The following MAP3K14 variants were observed in gnomAD, a reference collection of about 807,000 sequenced individuals.
MAP3K14 encodes mitogen-activated protein kinase kinase kinase 14.
Under a neutral mutation model 99.2 loss-of-function variants are expected in MAP3K14, and 16 were observed. That is an observed-to-expected ratio of 0.16 (90% CI 0.11 to 0.24). MAP3K14 has a LOEUF of 0.24. Ranked by LOEUF, MAP3K14 falls within the 10% of genes least tolerant of loss-of-function variation. The pLI is 1.00. For missense variants in MAP3K14, 784 were observed against 1,208.7 expected (o/e 0.65, Z 5.21); for synonymous variants, 462 against 492.4 (o/e 0.94, Z 0.82).
chr17:45,270,799 C>A (rs985925120), intron 10 of MAP3K14: 3 of 747,954 alleles, frequency 4.0e-6, no homozygotes, highest in Non-Finnish European at 6.5e-6. Flanking sequence ...AGGCCCGGCC[C>A]GTTAGGAGGC....
At position 45,266,693 on chromosome 17, in the gene MAP3K14, G is replaced by A. The variant is rs757262472; in HGVS notation, c.2434-12C>T. ...GCCTTTGATGGGTTCTGAAACAACAGGATTGGGTACGGGCTCAGGGCCCTG... is the reference window on the plus strand; with the variant it reads ...GCCTTTGATGGGTTCTGAAACAACAAGATTGGGTACGGGCTCAGGGCCCTG... On this transcript the variant is annotated splice_polypyrimidine_tract_variant and intron_variant, in intron 13 of 15. Transcript: ENST00000344686. 2.5e-6 allele frequency: 4 copies of A among 1,603,898 alleles called. No homozygotes were observed. The highest frequency in any genetic ancestry group is 1.7e-5 in the Admixed American group (1 of 59,434).
chr17:45,303,741 CTT>C (rs77134550), intron 1 of MAP3K14, among the ~76,000 whole-genome samples: 16 of 142,114 alleles, frequency 1.1e-4, no homozygotes, highest in Admixed American at 2.8e-4. Context: ...TAGTTTGGGA[CTT>C]TTTTTTTTTT....
chr17:45,266,161 T>A (rs1251237037), intron 14 of MAP3K14: 1 of 180,486 alleles, frequency 5.5e-6, no homozygotes, highest in Non-Finnish European at 1.1e-5. Flanking sequence ...AGAGGGGGAT[T>A]CCTTTTGCTG....
At chr17:45,266,784 C>G (rs568914690) in intron 13 of MAP3K14, 103 bp from the exon 14 acceptor site, 5 of 1,322,508 alleles carry the variant, frequency 3.8e-6, no homozygotes, top group Non-Finnish European at 5.2e-6. Context: ...ATGCCCTCAG[C>G]TGGAGGAGGG....
intron 1 of MAP3K14, among the ~76,000 whole-genome samples, chr17:45,301,694 T>C (rs1216086404): frequency 1.3e-5 from 2 of 152,180 alleles, no homozygotes; most frequent in Non-Finnish European, 2.9e-5. Context: ...TACAATGATA[T>C]TTATAAAAAT....
At chr17:45,311,307 A>G (rs939970416) in intron 1 of MAP3K14, among the ~76,000 whole-genome samples, 2 of 152,220 alleles carry the variant, frequency 1.3e-5, no homozygotes, top group Non-Finnish European at 2.9e-5. Context: ...GGGTATGGGT[A>G]CAGGGGCTGG....
Position 45,286,297 on chromosome 17 carries a change from A to G in MAP3K14, c.1152+134T>C, listed in dbSNP as rs2044263508. Reference sequence around the variant, plus strand: ...TGAGATTGGCGGAATAAGAGATGATACTTTTCATCCACAATGAGCACTGTC... The same window carrying G: ...TGAGATTGGCGGAATAAGAGATGATGCTTTTCATCCACAATGAGCACTGTC... On this transcript the variant is annotated intron_variant, in intron 5 of 15. Transcript: ENST00000344686. The surrounding 1 kb of genome is among the most constrained non-coding windows in gnomAD (Gnocchi z 4.1). 1.8e-6 allele frequency: 2 copies of G among 1,124,048 alleles called. No homozygotes were observed. The highest frequency in any genetic ancestry group is 2.5e-6 in the Non-Finnish European group (2 of 805,766). The allele number at this position is 1,124,048 out of a possible 1,614,324, so 69.6% of individuals were successfully genotyped here.
intron 1 of MAP3K14, among the ~76,000 whole-genome samples, chr17:45,314,247 T>G (rs2044509921): frequency 1.3e-5 from 2 of 152,206 alleles, no homozygotes; most frequent in South Asian, 4.1e-4. Flanking sequence ...TGGCCTTCCC[T>G]TTTTGGGCTA....
In MAP3K14 at chr17:45,267,606, C is replaced by T; in HGVS notation, c.2126G>A (p.Arg709Lys). 1 of 1,613,054 alleles carries T rather than the reference C, an allele frequency of 6.2e-7. No individual in the cohort carries two copies. Among genetic ancestry groups the T allele is most frequent in the Non-Finnish European group, 8.5e-7 (1 of 1,179,626 alleles). ...GAGAGGAGGCTGGAGCTTAGGGGCTCTGCCTGTTGTCTCCTCAGCTGGCCG... is the reference window on the plus strand; with the variant it reads ...GAGAGGAGGCTGGAGCTTAGGGGCTTTGCCTGTTGTCTCCTCAGCTGGCCG... ...GPRPAEETTG[R>K]APKLQPPLPP... The change falls in exon 12 of 16, where the codon AGA (arginine) becomes AAA (lysine). Residue 709 changes from arginine to lysine, a missense_variant. By Grantham distance (26) the Arg-to-Lys change is conservative. Coordinates refer to ENST00000344686, the MANE Select transcript of MAP3K14 (RefSeq NM_003954.5). The surrounding 1 kb of genome is among the most constrained non-coding windows in gnomAD (Gnocchi z 5.1).
intron 1 of MAP3K14, among the ~76,000 whole-genome samples, chr17:45,306,306 C>G (rs1286861151): frequency 6.7e-6 from 1 of 149,614 alleles, no homozygotes; most frequent in African/African-American, 2.6e-5. Context: ...CCATGACACT[C>G]TTCCTACTCC....
At chr17:45,299,608 C>G (rs867817177) in intron 1 of MAP3K14, among the ~76,000 whole-genome samples, 24 of 152,184 alleles carry the variant, frequency 1.6e-4, no homozygotes, top group African/African-American at 4.6e-4. Context: ...CACTCAGGCA[C>G]TGTGAGTGAA....
chr17:45,313,099 A>G (rs2044496970), intron 1 of MAP3K14, among the ~76,000 whole-genome samples: 1 of 152,134 alleles, frequency 6.6e-6, no homozygotes, highest in African/African-American at 2.4e-5. Context: ...GGCAGTATAT[A>G]GTGTAAGACA....
At chr17:45,269,104 C>T (rs565047119) in intron 11 of MAP3K14, among the ~76,000 whole-genome samples, 1 of 152,244 alleles carries the variant, frequency 6.6e-6, no homozygotes, top group South Asian at 2.1e-4. Context: ...GCAGCCTCGA[C>T]CTTCCAGGCT....
chr17:45,286,179 TG>T lies in MAP3K14; in HGVS notation c.1152+251del, dbSNP rs1298714107. Among the ~76,000 whole-genome samples, 2 of 152,068 alleles carry T rather than the reference TG, an allele frequency of 1.3e-5. No individual in the cohort carries two copies. Among genetic ancestry groups the T allele is most frequent in the African/African-American group, 4.8e-5 (2 of 41,398 alleles). On this transcript the variant is annotated intron_variant, in intron 5 of 15. Transcript: ENST00000344686. The surrounding 1 kb of genome is among the most constrained non-coding windows in gnomAD (Gnocchi z 4.1). ...TGGCTGATTCCCCTTGTCCTCAGCATGTGTACTATTAATGCAGTGCCCACAT... is the reference window on the plus strand; with the variant it reads ...TGGCTGATTCCCCTTGTCCTCAGCATTGTACTATTAATGCAGTGCCCACAT...
chr17:45,298,302 C>T (rs2044361093), intron 1 of MAP3K14, among the ~76,000 whole-genome samples: 1 of 151,866 alleles, frequency 6.6e-6, no homozygotes, highest in South Asian at 2.1e-4. Flanking sequence ...AAAAAAGAAG[C>T]AAAAAGGACA....
chr17:45,311,345 G>A (rs898560198), intron 1 of MAP3K14, among the ~76,000 whole-genome samples: 1 of 152,176 alleles, frequency 6.6e-6, no homozygotes, highest in African/African-American at 2.4e-5. Flanking sequence ...GACAGGGAAC[G>A]AGATTATTTG....
At chr17:45,269,985 TG>T (rs926954253) in intron 11 of MAP3K14, among the ~76,000 whole-genome samples, 20 of 152,110 alleles carry the variant, frequency 1.3e-4, no homozygotes, top group African/African-American at 4.1e-4. Context: ...GGTGCAGTCT[TG>T]GGGATCGAGC....
chr17:45,285,284 G>C (rs1358127340), intron 5 of MAP3K14, among the ~76,000 whole-genome samples: 1 of 152,178 alleles, frequency 6.6e-6, no homozygotes, highest in Non-Finnish European at 1.5e-5. Flanking sequence ...GAAGGTGGAG[G>C]GAAGGGAGGA....
At chr17:45,307,664 G>A (rs2044440482) in intron 1 of MAP3K14, among the ~76,000 whole-genome samples, 1 of 152,220 alleles carries the variant, frequency 6.6e-6, no homozygotes. Flanking sequence ...CTGGTTTTCA[G>A]AGGTGGGAGT....
Sources: gnomAD v4.1 joint callset for allele counts (sites outside exome capture counted in the v4.1 genomes callset) on GRCh38, gnomAD v4.1.1 for gene constraint, Gnocchi (gnomAD v3.1) non-coding constraint, MANE v1.5 for transcripts, NCBI Gene and HGNC (gene_info 2026-07-23, HGNC 2026-07-21) for gene names.